Variants in ANKRD28 observed in about 807,000 individuals in gnomAD.
ANKRD28 encodes ankyrin repeat domain 28.
ANKRD28 carries 44 observed loss-of-function variants against 126.5 expected under a neutral mutation model. The observed-to-expected ratio is 0.35, with a 90% CI of 0.27 to 0.45. The LOEUF (loss-of-function observed/expected upper bound fraction) is 0.45. Among genes scored for constraint, ANKRD28 ranks in the 20% least tolerant of loss-of-function variants. The pLI is 1.00. For synonymous variants in ANKRD28, 442 were observed against 468.5 expected, an observed-to-expected ratio of 0.94 and a Z score of 0.73; for missense variants, 1,110 against 1,316.6, an observed-to-expected ratio of 0.84 and a Z score of 2.43.
Position 15,692,014 on chromosome 3 carries a change from CCTG to C in ANKRD28, c.1762-1797_1762-1795del, listed in dbSNP as rs199814738. On this transcript the variant is annotated intron_variant, in intron 17 of 27. Transcript: ENST00000683139. ...AATAAGCTGGACCTGGTGGCACATG[CCTG>C]TGGTCCCAGCTATGCAGGAGGCTGA... Among the ~76,000 whole-genome samples, 1,122 of 152,094 alleles carry C rather than the reference CCTG, an allele frequency of 7.4e-3. 10 individuals are homozygous for C. The highest frequency in any genetic ancestry group is 0.025 in the African/African-American group (1,024 of 41,486).
chr3:15,855,044 T>C (rs1318756050), intron 1 of ANKRD28, among the ~76,000 whole-genome samples: 4 of 151,998 alleles, frequency 2.6e-5, no homozygotes, highest in Non-Finnish European at 5.9e-5. Context: ...CAAGACTCCG[T>C]CTCAAAAAAC....
chr3:15,693,327 C>CAGAG lies in ANKRD28; in HGVS notation c.1761+1408_1761+1411dup, dbSNP rs59750718. On this transcript the variant is annotated intron_variant, in intron 17 of 27. Coordinates refer to ENST00000683139, the MANE Select transcript of ANKRD28 (RefSeq NM_001349278.2). Reference sequence around the variant, plus strand: ...TGACAAAAAAATAGTAATGGGGGGGCAGAGAGAGAGAGAGAGAGAGAGACC... The same window carrying CAGAG: ...TGACAAAAAAATAGTAATGGGGGGGCAGAGAGAGAGAGAGAGAGAGAGAGAGACC... Among the ~76,000 whole-genome samples, 14 of 148,466 alleles carry CAGAG rather than the reference C, an allele frequency of 9.4e-5. 1 individual carries two copies. Among genetic ancestry groups the CAGAG allele is most frequent in the East Asian group, 7.9e-4 (4 of 5,060 alleles).
intron 17 of ANKRD28, 67 bp downstream of exon 17, chr3:15,694,672 C>G: frequency 7.1e-7 from 1 of 1,406,934 alleles, no homozygotes; most frequent in South Asian, 1.2e-5. Flanking sequence ...TGAGTCAACA[C>G]AAATAGGTTA....
chr3:15,822,521 C>A (rs1398024023), intron 1 of ANKRD28, among the ~76,000 whole-genome samples: 1 of 152,154 alleles, frequency 6.6e-6, no homozygotes, highest in Admixed American at 6.5e-5. Flanking sequence ...TCAAAATATC[C>A]AATTTCCAAC....
At chr3:15,734,389 T>C (rs2074870846) in intron 6 of ANKRD28, among the ~76,000 whole-genome samples, 1 of 152,230 alleles carries the variant, frequency 6.6e-6, no homozygotes, top group Non-Finnish European at 1.5e-5. Context: ...GATGTCTTTG[T>C]AATCAGGTAA....
At chr3:15,670,907 G>A (rs548652867) in intron 27 of ANKRD28, among the ~76,000 whole-genome samples, 5 of 152,298 alleles carry the variant, frequency 3.3e-5, no homozygotes, top group Non-Finnish European at 1.5e-5. Context: ...AGGATGGTAG[G>A]CAGAGATTTA....
rs2061686426 is a variant in ANKRD28 at position 15,853,041 on chromosome 3, T to C, written c.27+6336A>G. On this transcript the variant is annotated intron_variant, in intron 1 of 27. Coordinates refer to the ANKRD28 transcript ENST00000399451. The surrounding 1 kb of genome is among the most constrained non-coding windows in gnomAD (Gnocchi z 4.2). ...AATAATTTAATAGCATAACTAAGAA[T>C]TGGGGATGAGGGATGGGAATGGAAA... Among the ~76,000 whole-genome samples, 1 of 151,976 alleles carries C rather than the reference T, an allele frequency of 6.6e-6. No homozygotes were observed. Among genetic ancestry groups the C allele is most frequent in the South Asian group, 2.1e-4 (1 of 4,816 alleles).
At chr3:15,758,528 G>C (rs1057486204) in intron 3 of ANKRD28, among the ~76,000 whole-genome samples, 5 of 152,040 alleles carry the variant, frequency 3.3e-5, no homozygotes, top group Non-Finnish European at 7.4e-5. Flanking sequence ...CATTAGGGTG[G>C]GCCCTAATAC....
At chr3:15,820,785 T>C (rs1238031784) in intron 1 of ANKRD28, among the ~76,000 whole-genome samples, 2 of 152,170 alleles carry the variant, frequency 1.3e-5, no homozygotes, top group African/African-American at 4.8e-5. Context: ...TATATGATGA[T>C]ATCACAAAAA....
At chr3:15,713,499 A>G (rs1225106449) in intron 10 of ANKRD28, 28 bp downstream of exon 10, 2 of 1,555,968 alleles carry the variant, frequency 1.3e-6, no homozygotes, top group Non-Finnish European at 1.8e-6. Context: ...TGCCTGTATC[A>G]GTTATCAACA....
At chr3:15,788,419 C>A (rs533462662) in intron 2 of ANKRD28, among the ~76,000 whole-genome samples, 2 of 152,184 alleles carry the variant, frequency 1.3e-5, no homozygotes, top group East Asian at 3.9e-4. Context: ...GACATGGGTT[C>A]AAATTCCCAT....
At chr3:15,813,001 T>C (rs1010202224) in intron 1 of ANKRD28, among the ~76,000 whole-genome samples, 3 of 151,380 alleles carry the variant, frequency 2.0e-5, no homozygotes, top group Non-Finnish European at 4.4e-5. Flanking sequence ...AGAAAACAGA[T>C]GAATAAAATC....
At chr3:15,841,080 G>A (rs868206563) in intron 1 of ANKRD28, among the ~76,000 whole-genome samples, 1 of 152,212 alleles carries the variant, frequency 6.6e-6, no homozygotes, top group African/African-American at 2.4e-5. Flanking sequence ...AGAGGTTGCA[G>A]TAAGCCGAGA....
At chr3:15,819,081 C>G (rs1261570002) in intron 1 of ANKRD28, among the ~76,000 whole-genome samples, 2 of 151,978 alleles carry the variant, frequency 1.3e-5, no homozygotes, top group Admixed American at 1.3e-4. Flanking sequence ...AGTTCAAGAC[C>G]AGCCTAGGCA....
intron 14 of ANKRD28, among the ~76,000 whole-genome samples, chr3:15,703,286 C>G (rs917168539): frequency 6.6e-6 from 1 of 152,162 alleles, no homozygotes; most frequent in Non-Finnish European, 1.5e-5. Context: ...CAAAAATAAA[C>G]TGCCATTAGA....
chr3:15,677,354 G>T, intron 25 of ANKRD28, 126 bp downstream of exon 25: 2 of 686,872 alleles, frequency 2.9e-6, no homozygotes, highest in East Asian at 5.5e-5. Context: ...TTTTGTTCAA[G>T]AAATCTAATA....
chr3:15,786,798 A>G (rs568486997), intron 2 of ANKRD28, among the ~76,000 whole-genome samples: 1 of 152,250 alleles, frequency 6.6e-6, no homozygotes, highest in South Asian at 2.1e-4. Context: ...TGAGTATGCA[A>G]GTATTGATAC....
At position 15,719,723 on chromosome 3, in the gene ANKRD28, AT is replaced by A. The variant is rs575358346; in HGVS notation, c.996+1191del. On this transcript the variant is annotated intron_variant, in intron 8 of 27. Transcript: ENST00000683139. ...ACCTAGGACTACAGGATAATTTTTA[AT>A]TTTTTTTTTGGTAGAGATAGAGGTC... Among the ~76,000 whole-genome samples the A allele has an allele frequency of 4.8e-3, 709 of 149,204 alleles. 4 individuals are homozygous for A. The highest frequency in any genetic ancestry group is 7.8e-3 in the Admixed American group (117 of 14,940).
intron 15 of ANKRD28, among the ~76,000 whole-genome samples, chr3:15,695,679 A>G (rs531143395): frequency 6.6e-6 from 1 of 152,246 alleles, no homozygotes; most frequent in South Asian, 2.1e-4. Flanking sequence ...CTATTCCAGA[A>G]TCAGACCACA....
Sources: gnomAD v4.1 joint callset for allele counts (sites outside exome capture counted in the v4.1 genomes callset) on GRCh38, gnomAD v4.1.1 for gene constraint, Gnocchi (gnomAD v3.1) non-coding constraint, MANE v1.5 for transcripts, NCBI Gene and HGNC (gene_info 2026-07-23, HGNC 2026-07-21) for gene names.